OPCML: variants seen among roughly 807,000 people sequenced by gnomAD.
OPCML encodes the protein opioid binding protein/cell adhesion molecule like, also known as opioid-binding protein/cell adhesion molecule.
OPCML carries 13 observed loss-of-function variants against 37.8 expected under a neutral mutation model. The observed-to-expected ratio is 0.34, with a 90% CI of 0.22 to 0.55. OPCML has a LOEUF of 0.55. OPCML is among the 20% of genes least tolerant of loss of function. The pLI is 0.91. For missense variants in OPCML, 341 were observed against 435.6 expected, an observed-to-expected ratio of 0.78 and a Z score of 1.93; for synonymous variants, 176 against 168.8, an observed-to-expected ratio of 1.04 and a Z score of -0.33.
At chr11:132,738,923 A>G (rs1435735082) in intron 2 of OPCML, among the ~76,000 whole-genome samples, 2 of 152,176 alleles carry the variant, frequency 1.3e-5, no homozygotes, top group Non-Finnish European at 2.9e-5. Flanking sequence ...AACCCAAAAT[A>G]TGCCACGTGG....
At chr11:133,333,572 C>G (rs1285525429) in intron 1 of OPCML, among the ~76,000 whole-genome samples, 1 of 152,116 alleles carries the variant, frequency 6.6e-6, no homozygotes. Context: ...CCATCCTAGA[C>G]AGGAATGAGC....
intron 7 of OPCML, among the ~76,000 whole-genome samples, chr11:132,424,125 T>C (rs1592152633): frequency 3.4e-5 from 2 of 58,614 alleles, no homozygotes; most frequent in South Asian, 1.0e-3. Flanking sequence ...CTAGAGGCAG[T>C]TTTTTTTTTT....
intron 1 of OPCML, among the ~76,000 whole-genome samples, chr11:133,214,121 G>T (rs1281755495): frequency 6.6e-6 from 1 of 150,764 alleles, no homozygotes; most frequent in Non-Finnish European, 1.5e-5. Flanking sequence ...ATAATTGGTG[G>T]GTAAAATATA....
intron 2 of OPCML, among the ~76,000 whole-genome samples, chr11:132,743,250 T>C (rs1348377536): frequency 6.6e-6 from 1 of 152,104 alleles, no homozygotes; most frequent in East Asian, 1.9e-4. Flanking sequence ...TATTCAACCA[T>C]ACAGAAAATG....
At chr11:132,502,109 T>C (rs1183316604) in intron 4 of OPCML, among the ~76,000 whole-genome samples, 1 of 152,240 alleles carries the variant, frequency 6.6e-6, no homozygotes, top group African/African-American at 2.4e-5. Flanking sequence ...ACATGTTTTA[T>C]GAAGCTGTAC....
At chr11:132,483,744 G>A (rs1480912060) in intron 4 of OPCML, among the ~76,000 whole-genome samples, 1 of 151,806 alleles carries the variant, frequency 6.6e-6, no homozygotes, top group African/African-American at 2.4e-5. Context: ...ACAGAACAGA[G>A]CCCTCAGAAA....
chr11:133,236,135 T>C (rs11603409), intron 1 of OPCML, among the ~76,000 whole-genome samples: 23,218 of 152,090 alleles, frequency 0.15, 2,574 homozygotes, highest in East Asian at 0.54. Context: ...CATCACTACT[T>C]TTGCAATTTG....
intron 1 of OPCML, among the ~76,000 whole-genome samples, chr11:133,523,531 TG>T (rs1347549341): frequency 2.0e-5 from 3 of 152,218 alleles, no homozygotes; most frequent in Non-Finnish European, 4.4e-5. Context: ...TATCCCTTCC[TG>T]GTTTGTTCTC....
rs1945908550 is a variant in OPCML at position 133,422,383 on chromosome 11, A to G, written c.61+109881T>C. On this transcript the variant is annotated intron_variant, in intron 1 of 7. Transcript: ENST00000524381. The stretch of plus-strand genomic sequence containing the variant: ...TTCTCTCAGACCAAAGACATTATAT[A>G]TATATATATATGTATATATGCGCCA... The G allele has an allele frequency of 4.3e-6, 4 of 937,210 alleles. 1 individual carries two copies. The highest frequency in any genetic ancestry group is 5.0e-6 in the Non-Finnish European group (4 of 801,438). 58.1% of individuals were successfully genotyped at this position (937,210 alleles called of 1,614,324 possible).
rs1281057202 is a variant in OPCML, at chr11:133,205,631, T to C, written c.62-262621A>G. Reference sequence around the variant, plus strand: ...TCACGATCATTGCTCAGTTGGTGTGTGGGGAAAAATTTCTCACTCATCTGA... The same window carrying C: ...TCACGATCATTGCTCAGTTGGTGTGCGGGGAAAAATTTCTCACTCATCTGA... On this transcript the variant is annotated intron_variant, in intron 1 of 7. Coordinates refer to ENST00000524381, the MANE Select transcript of OPCML (RefSeq NM_001012393.5). The surrounding 1 kb of genome is among the most constrained non-coding windows in gnomAD (Gnocchi z 4.8). 6.6e-6 allele frequency among the ~76,000 whole-genome samples: 1 copy of C among 152,200 alleles called. No homozygotes were observed. The highest frequency in any genetic ancestry group is 2.4e-5 in the African/African-American group (1 of 41,444).
At chr11:133,095,078 C>T (rs1417093700) in intron 1 of OPCML, among the ~76,000 whole-genome samples, 7 of 151,780 alleles carry the variant, frequency 4.6e-5, no homozygotes, top group Non-Finnish European at 8.8e-5. Context: ...GAGCTCCACA[C>T]GATATGGTTG....
intron 3 of OPCML, among the ~76,000 whole-genome samples, chr11:132,531,450 G>T (rs1317319573): frequency 1.3e-5 from 2 of 152,196 alleles, no homozygotes; most frequent in South Asian, 2.1e-4. Context: ...TGTCAAAGGA[G>T]AATTATGGCA....
At chr11:133,508,429 G>A (rs1381725427) in intron 1 of OPCML, among the ~76,000 whole-genome samples, 1 of 152,190 alleles carries the variant, frequency 6.6e-6, no homozygotes, top group Non-Finnish European at 1.5e-5. Flanking sequence ...TCTATGTAAT[G>A]ATCCAGGGTG....
chr11:133,484,030 T>TTAGG (rs1947464580), intron 1 of OPCML, among the ~76,000 whole-genome samples: 1 of 134,816 alleles, frequency 7.4e-6, no homozygotes, highest in South Asian at 2.5e-4. Context: ...GATGGACAGA[T>TTAGG]TAGATAGATA....
chr11:133,505,217 G>T (rs550792429), intron 1 of OPCML, among the ~76,000 whole-genome samples: 1 of 152,218 alleles, frequency 6.6e-6, no homozygotes, highest in African/African-American at 2.4e-5. Flanking sequence ...ATTGGGAAGG[G>T]ATTAAGACCT....
chr11:132,929,135 G>A (rs549209784), intron 2 of OPCML, among the ~76,000 whole-genome samples: 56 of 150,768 alleles, frequency 3.7e-4, no homozygotes, highest in Non-Finnish European at 7.7e-4. Context: ...TAGAGAATGG[G>A]AAAATAGAAA....
intron 1 of OPCML, among the ~76,000 whole-genome samples, chr11:133,263,578 T>C (rs928626128): frequency 4.6e-5 from 7 of 152,154 alleles, no homozygotes; most frequent in Non-Finnish European, 8.8e-5. Context: ...ACAGTGCATT[T>C]CTTGGAATGT....
chr11:132,508,494 TCA>T (rs58523074), intron 4 of OPCML, among the ~76,000 whole-genome samples: 30,353 of 151,892 alleles, frequency 0.2, 3,127 homozygotes, highest in Non-Finnish European at 0.22. Context: ...GAAGATCTAG[TCA>T]CACACACACA....
At chr11:133,076,971 G>C (rs1028497391) in intron 1 of OPCML, among the ~76,000 whole-genome samples, 1 of 152,120 alleles carries the variant, frequency 6.6e-6, no homozygotes, top group African/African-American at 2.4e-5. Context: ...GATGGTTGGC[G>C]GTGGGGCAGG....
Sources: allele counts gnomAD v4.1 joint callset (sites outside exome capture counted in the v4.1 genomes callset), GRCh38; gene constraint gnomAD v4.1.1; non-coding constraint Gnocchi (gnomAD v3.1); transcripts MANE v1.5; gene names NCBI Gene and HGNC (gene_info 2026-07-23, HGNC 2026-07-21).